Variants in OPCML observed in about 807,000 individuals in gnomAD.
The protein encoded by OPCML is opioid-binding protein/cell adhesion molecule.
A neutral mutation model predicts 37.8 loss-of-function variants in OPCML; 13 were observed. That is an observed-to-expected ratio of 0.34 (90% CI 0.22 to 0.55). OPCML has a LOEUF of 0.55. Ranked by LOEUF, OPCML falls within the 20% of genes least tolerant of loss-of-function variation. The pLI is 0.91. For missense variants in OPCML, 341 were observed against 435.6 expected (o/e 0.78, Z 1.93); for synonymous variants, 176 against 168.8 (o/e 1.04, Z -0.33).
At chr11:133,418,295 G>A (rs1945811108) in intron 1 of OPCML, 1 of 985,338 alleles carries the variant, frequency 1.0e-6, no homozygotes, top group Non-Finnish European at 1.2e-6. Context: ...GTTTATGAAG[G>A]AAGGGTTCAT....
intron 1 of OPCML, among the ~76,000 whole-genome samples, chr11:133,379,659 G>A (rs959859679): frequency 1.3e-5 from 2 of 152,176 alleles, no homozygotes; most frequent in African/African-American, 2.4e-5. Flanking sequence ...TTTCTCTAAA[G>A]TTAGGCTAAG....
intron 1 of OPCML, among the ~76,000 whole-genome samples, chr11:133,486,481 G>A (rs78467103): frequency 0.023 from 3,460 of 151,852 alleles, 135 homozygotes; most frequent in African/African-American, 0.079. Context: ...CTCTTCCTCA[G>A]AATTACACTA....
chr11:133,373,816 A>G (rs1944739618), intron 1 of OPCML, among the ~76,000 whole-genome samples: 1 of 152,188 alleles, frequency 6.6e-6, no homozygotes, highest in African/African-American at 2.4e-5. Flanking sequence ...TCATCTTTCC[A>G]TGTCATATAT....
intron 1 of OPCML, among the ~76,000 whole-genome samples, chr11:133,235,342 A>G (rs914339975): frequency 8.5e-5 from 13 of 152,122 alleles, no homozygotes; most frequent in African/African-American, 2.9e-4. Flanking sequence ...ACTGTTTTTC[A>G]TCCCTCTCTC....
intron 1 of OPCML, among the ~76,000 whole-genome samples, chr11:133,070,121 C>A (rs984948696): frequency 6.6e-6 from 1 of 152,064 alleles, no homozygotes; most frequent in Admixed American, 6.6e-5. Context: ...TCCGTTCCAC[C>A]ATAAAGTGAT....
intron 1 of OPCML, among the ~76,000 whole-genome samples, chr11:133,002,778 A>G (rs961476780): frequency 6.7e-6 from 1 of 148,668 alleles, no homozygotes; most frequent in Non-Finnish European, 1.5e-5. Flanking sequence ...AAGGAAAGAG[A>G]GGGGGGGGTG....
At chr11:132,631,208 A>T (rs935274397) in intron 3 of OPCML, among the ~76,000 whole-genome samples, 3 of 151,852 alleles carry the variant, frequency 2.0e-5, no homozygotes, top group African/African-American at 4.8e-5. Context: ...TTTTTAAAAA[A>T]AATTCTTTGT....
At chr11:133,284,979 T>G (rs1942258878) in intron 1 of OPCML, among the ~76,000 whole-genome samples, 1 of 152,064 alleles carries the variant, frequency 6.6e-6, no homozygotes, top group Admixed American at 6.6e-5. Flanking sequence ...AGGGGTCTTA[T>G]TTGTATGCTG....
At chr11:133,531,519 A>G (rs927049344) in intron 1 of OPCML, among the ~76,000 whole-genome samples, 1 of 152,126 alleles carries the variant, frequency 6.6e-6, no homozygotes, top group African/African-American at 2.4e-5. Flanking sequence ...CAGGAAGGAG[A>G]TACTGAGAGG....
chr11:132,635,872 G>C (rs1275271903), intron 3 of OPCML, among the ~76,000 whole-genome samples: 3 of 152,150 alleles, frequency 2.0e-5, no homozygotes, highest in Admixed American at 1.3e-4. Flanking sequence ...AGCGGCAGGA[G>C]GTTGAACTTC....
intron 1 of OPCML, among the ~76,000 whole-genome samples, chr11:133,328,955 G>A (rs1346249016): frequency 3.3e-5 from 5 of 152,094 alleles, no homozygotes; most frequent in Admixed American, 6.6e-5. Flanking sequence ...GCCCAAAATC[G>A]CCTCAAGCTG....
chr11:133,023,373 G>A (rs764653940), intron 1 of OPCML, among the ~76,000 whole-genome samples: 2 of 152,194 alleles, frequency 1.3e-5, no homozygotes, highest in Non-Finnish European at 2.9e-5. Flanking sequence ...GCATCATTAC[G>A]TCCGCTAAGC....
At position 133,532,089 on chromosome 11, in the gene OPCML, G is replaced by A. The variant is rs1416414369; in HGVS notation, c.61+175C>T. ...GCTGAAAGCATCTGCGCGCGTGTGA[G>A]CGAGTGAGTGTGTGTGTGCGTGCAC... On this transcript the variant is annotated intron_variant, in intron 1 of 7. Transcript: ENST00000524381. The A allele has an allele frequency of 7.9e-6, 5 of 630,484 alleles. No individual in the cohort carries two copies. The East Asian group carries it at 5.6e-4, about 70-fold the overall frequency. 39.1% of individuals were successfully genotyped at this position (630,484 alleles called of 1,614,324 possible). A position where few individuals can be genotyped will look rare whatever the true frequency, so the allele number is the denominator to read the frequency against.
chr11:133,449,745 A>T (rs1165296804), intron 1 of OPCML, among the ~76,000 whole-genome samples: 1 of 151,654 alleles, frequency 6.6e-6, no homozygotes, highest in Non-Finnish European at 1.5e-5. Context: ...ATCCTAGATG[A>T]TTTTATATCA....
chr11:132,726,153 A>T (rs1944873757), intron 2 of OPCML, among the ~76,000 whole-genome samples: 1 of 151,976 alleles, frequency 6.6e-6, no homozygotes, highest in Non-Finnish European at 1.5e-5. Context: ...GCAGCGCCCC[A>T]CTCTACTGTT....
At chr11:133,486,440 GC>G (rs2120395530) in intron 1 of OPCML, among the ~76,000 whole-genome samples, 1 of 152,170 alleles carries the variant, frequency 6.6e-6, no homozygotes, top group Admixed American at 6.5e-5. Flanking sequence ...CTACACAGTA[GC>G]CACCTCTTTT....
intron 2 of OPCML, among the ~76,000 whole-genome samples, chr11:132,724,216 A>T (rs902186704): frequency 5.3e-5 from 8 of 152,100 alleles, no homozygotes; most frequent in African/African-American, 9.7e-5. Context: ...AAGCTTCCCC[A>T]AAACATAAAG....
At chr11:132,992,877 G>A (rs890749987) in intron 1 of OPCML, among the ~76,000 whole-genome samples, 5 of 152,164 alleles carry the variant, frequency 3.3e-5, no homozygotes, top group Non-Finnish European at 5.9e-5. Flanking sequence ...TATTGGAATG[G>A]CTGTTTGTTT....
chr11:132,490,820 GA>G (rs531599212), intron 4 of OPCML, among the ~76,000 whole-genome samples: 5,210 of 117,854 alleles, frequency 0.044, 246 homozygotes, highest in African/African-American at 0.12. Context: ...CAAAAAAAAA[GA>G]AAAAAAAAAA....
Sources: allele counts gnomAD v4.1 joint callset (sites outside exome capture counted in the v4.1 genomes callset), GRCh38; gene constraint gnomAD v4.1.1; transcripts MANE v1.5; gene names NCBI Gene and HGNC (gene_info 2026-07-23, HGNC 2026-07-21).